The following RAD51B variants were observed in gnomAD, a reference collection of about 807,000 sequenced individuals.
The protein encoded by RAD51B is DNA repair protein RAD51 homolog 2.
Under a neutral mutation model 42.2 loss-of-function variants are expected in RAD51B, and 38 were observed. That is an observed-to-expected ratio of 0.90 (90% CI 0.70 to 1.18). The LOEUF (loss-of-function observed/expected upper bound fraction) is 1.18, where lower values mean the gene tolerates loss of function less well. RAD51B is among the 50% of genes most tolerant of loss of function. The probability of loss-of-function intolerance (pLI) is 0.00; values close to 1 mark genes in which losing one functional copy is unlikely to be tolerated. For missense variants in RAD51B, 373 were observed against 400.7 expected (o/e 0.93, Z 0.59); for synonymous variants, 154 against 145.2 (o/e 1.06, Z -0.43).
At chr14:68,376,687 G>A (rs1177362424) in intron 8 of RAD51B, among the ~76,000 whole-genome samples, 1 of 152,212 alleles carries the variant, frequency 6.6e-6, no homozygotes, top group Non-Finnish European at 1.5e-5. Flanking sequence ...CCCAGCTCCT[G>A]GGGACTGTCA....
intron 10 of RAD51B, among the ~76,000 whole-genome samples, chr14:68,640,269 A>T (rs770294439): frequency 6.6e-6 from 1 of 152,210 alleles, no homozygotes; most frequent in Admixed American, 6.5e-5. Flanking sequence ...CAATGTGAAT[A>T]TGGGCTTTAG....
chr14:68,423,504 G>A (rs1291457603), intron 9 of RAD51B, among the ~76,000 whole-genome samples: 2 of 152,084 alleles, frequency 1.3e-5, no homozygotes, highest in Non-Finnish European at 2.9e-5. Flanking sequence ...TGAACGTTAT[G>A]GAGTTTGAAA....
At chr14:68,345,049 G>A (rs894131725) in intron 8 of RAD51B, among the ~76,000 whole-genome samples, 3 of 151,952 alleles carry the variant, frequency 2.0e-5, no homozygotes, top group Non-Finnish European at 4.4e-5. Context: ...TTTCCCTTTG[G>A]AATGGGAATA....
At chr14:68,563,111 G>A (rs922890740) in intron 10 of RAD51B, 28 of 985,338 alleles carry the variant, frequency 2.8e-5, no homozygotes, top group African/African-American at 2.3e-4. Context: ...TGACTCTGCC[G>A]GGTTCAGAGA....
At chr14:68,131,167 T>A (rs1389475856) in intron 7 of RAD51B, among the ~76,000 whole-genome samples, 1 of 152,190 alleles carries the variant, frequency 6.6e-6, no homozygotes, top group African/African-American at 2.4e-5. Flanking sequence ...TATCATTACA[T>A]TGGCAAATTT....
At chr14:68,213,261 C>T (rs905623033) in intron 7 of RAD51B, among the ~76,000 whole-genome samples, 3 of 152,172 alleles carry the variant, frequency 2.0e-5, no homozygotes, top group African/African-American at 7.2e-5. Flanking sequence ...TATGACTTCT[C>T]TCATTTAATC....
chr14:68,566,096 C>T (rs139520794), intron 10 of RAD51B, among the ~76,000 whole-genome samples: 101 of 152,320 alleles, frequency 6.6e-4, no homozygotes, highest in African/African-American at 2.1e-3. Context: ...CCTGATTTCT[C>T]CAGGTTAAGC....
intron 10 of RAD51B, among the ~76,000 whole-genome samples, chr14:68,649,189 C>T (rs1892648908): frequency 1.3e-5 from 2 of 152,172 alleles, no homozygotes; most frequent in South Asian, 2.1e-4. Context: ...GAGCTCTGAG[C>T]ATCTCGTGGT....
At chr14:67,939,632 G>A (rs1297543752) in intron 7 of RAD51B, among the ~76,000 whole-genome samples, 1 of 152,092 alleles carries the variant, frequency 6.6e-6, no homozygotes, top group African/African-American at 2.4e-5. Context: ...CATAGATTAG[G>A]TAGCTCAAAT....
chr14:68,202,807 C>T (rs1371144014), intron 7 of RAD51B, among the ~76,000 whole-genome samples: 5 of 151,934 alleles, frequency 3.3e-5, no homozygotes, highest in Admixed American at 3.3e-4. Flanking sequence ...GTCTCGAACT[C>T]CCAACCTCAG....
rs148288437 is a variant in RAD51B, at chr14:68,618,695, G to A, written c.1037-32086G>A. On this transcript the variant is annotated intron_variant, in intron 10 of 11. Coordinates refer to the RAD51B transcript ENST00000488612. ...ACTGCCCAGTAATTGTAAGACCATAGGCAGATCACTTTACTGACTCTAGCC... is the reference window on the plus strand; with the variant it reads ...ACTGCCCAGTAATTGTAAGACCATAAGCAGATCACTTTACTGACTCTAGCC... 8.7e-4 allele frequency among the ~76,000 whole-genome samples: 133 copies of A among 152,236 alleles called. 1 individual carries two copies. Among genetic ancestry groups the A allele is most frequent in the African/African-American group, 3.0e-3 (123 of 41,544 alleles).
intron 7 of RAD51B, among the ~76,000 whole-genome samples, chr14:67,914,133 C>A (rs1175308639): frequency 6.6e-6 from 1 of 152,060 alleles, no homozygotes; most frequent in Non-Finnish European, 1.5e-5. Flanking sequence ...TAGGTGCATA[C>A]CACCACGCTT....
At position 68,273,972 on chromosome 14, in the gene RAD51B, A is replaced by G. The variant is rs978895849; in HGVS notation, c.757-17912A>G. On this transcript the variant is annotated intron_variant, in intron 7 of 10. Coordinates refer to ENST00000471583, the MANE Select transcript of RAD51B (RefSeq NM_133510.4). ...AACATGTATAATGTTTTACAAATCT[A>G]GTAATAGTATAGATTTGTACTGAAA... 2.0e-5 allele frequency among the ~76,000 whole-genome samples: 3 copies of G among 152,254 alleles called. No individual in the cohort carries two copies. The East Asian group carries it at 5.8e-4, about 29-fold the overall frequency.
intron 7 of RAD51B, among the ~76,000 whole-genome samples, chr14:68,235,403 T>C (rs1451233474): frequency 1.3e-5 from 2 of 152,018 alleles, no homozygotes; most frequent in Non-Finnish European, 2.9e-5. Context: ...CTTTTTTTCC[T>C]CTTAAGAGCT....
intron 7 of RAD51B, among the ~76,000 whole-genome samples, chr14:67,966,219 C>T (rs755572969): frequency 1.8e-4 from 27 of 152,228 alleles, no homozygotes; most frequent in South Asian, 4.1e-4. Context: ...CACAGGACCA[C>T]GAGCCTTCAC....
intron 8 of RAD51B, among the ~76,000 whole-genome samples, chr14:68,388,056 G>T (rs1411432093): frequency 5.0e-5 from 2 of 40,076 alleles, no homozygotes; most frequent in African/African-American, 6.2e-5. Flanking sequence ...GACTTGCATT[G>T]TGTGTGTGTG....
At chr14:68,250,119 G>T (rs1202417531) in intron 7 of RAD51B, among the ~76,000 whole-genome samples, 1 of 152,186 alleles carries the variant, frequency 6.6e-6, no homozygotes, top group Admixed American at 6.5e-5. Context: ...CTGAACTTTA[G>T]TCTGGCTTGG....
At chr14:67,940,024 A>ATATATATG (rs2045110183) in intron 7 of RAD51B, among the ~76,000 whole-genome samples, 1 of 2,720 alleles carries the variant, frequency 3.7e-4, no homozygotes, top group African/African-American at 9.5e-4. Context: ...TGATAGATGC[A>ATATATATG]TATATATATA....
chr14:68,378,549 C>G (rs1594752287), intron 8 of RAD51B, among the ~76,000 whole-genome samples: 4 of 152,296 alleles, frequency 2.6e-5, no homozygotes, highest in Admixed American at 2.6e-4. Context: ...TGCATATAAC[C>G]TATGCACATC....
Sources: gnomAD v4.1 joint callset for allele counts (sites outside exome capture counted in the v4.1 genomes callset) on GRCh38, gnomAD v4.1.1 for gene constraint, MANE v1.5 for transcripts, NCBI Gene and HGNC (gene_info 2026-07-23, HGNC 2026-07-21) for gene names.